Variants in PRKCE observed in about 807,000 individuals in gnomAD.
PRKCE encodes the protein protein kinase C epsilon type.
In PRKCE, 16 loss-of-function variants were observed where a neutral mutation model predicts 85.4. The ratio of observed to expected loss-of-function variants is 0.19; its 90% confidence interval spans 0.13 to 0.28. The LOEUF (loss-of-function observed/expected upper bound fraction) is 0.28, where lower values mean the gene tolerates loss of function less well. Ranked by LOEUF, PRKCE falls within the 10% of genes least tolerant of loss-of-function variation. PRKCE has a pLI of 1.00. For missense variants in PRKCE, 573 were observed against 975.2 expected (o/e 0.59, Z 5.49); for synonymous variants, 388 against 371.5 (o/e 1.04, Z -0.51).
chr2:46,026,346 G>A (rs991405641), intron 10 of PRKCE, among the ~76,000 whole-genome samples: 1 of 152,190 alleles, frequency 6.6e-6, no homozygotes, highest in African/African-American at 2.4e-5. Flanking sequence ...GACTTCATGG[G>A]TAGAGGAGGA....
chr2:45,960,840 C>T (rs1450484187), intron 2 of PRKCE, among the ~76,000 whole-genome samples: 1 of 152,206 alleles, frequency 6.6e-6, no homozygotes, highest in Non-Finnish European at 1.5e-5. Flanking sequence ...CCTTGCAGTT[C>T]CTACAATCCT....
chr2:45,803,368 G>A (rs1255670978), intron 1 of PRKCE, among the ~76,000 whole-genome samples: 1 of 152,208 alleles, frequency 6.6e-6, no homozygotes, highest in African/African-American at 2.4e-5. Flanking sequence ...CATCATAGGC[G>A]CTGGTGCTAC....
intron 2 of PRKCE, among the ~76,000 whole-genome samples, chr2:45,919,557 G>A (rs371135748): frequency 2.6e-4 from 40 of 152,306 alleles, no homozygotes; most frequent in African/African-American, 7.5e-4. Context: ...GGAGGGCCAC[G>A]GCACATTCTG....
intron 1 of PRKCE, among the ~76,000 whole-genome samples, chr2:45,839,786 C>G (rs1691197645): frequency 6.6e-6 from 1 of 152,254 alleles, no homozygotes; most frequent in African/African-American, 2.4e-5. Flanking sequence ...TGGATGGATT[C>G]TCAGAGCTTC....
intron 7 of PRKCE, among the ~76,000 whole-genome samples, chr2:46,003,293 C>T (rs759624152): frequency 2.6e-5 from 4 of 152,176 alleles, no homozygotes; most frequent in Non-Finnish European, 4.4e-5. Flanking sequence ...TGTGTGTGCA[C>T]AGCAGGTAGA....
At chr2:45,911,574 G>A (rs1029592463) in intron 2 of PRKCE, among the ~76,000 whole-genome samples, 11 of 152,186 alleles carry the variant, frequency 7.2e-5, no homozygotes, top group African/African-American at 2.7e-4. Flanking sequence ...AGTCCTGGAT[G>A]TAGGCAGAGG....
Position 45,697,252 on chromosome 2 carries a change from AC to A in PRKCE, c.348+44805del, listed in dbSNP as rs1678230213. On this transcript the variant is annotated intron_variant, in intron 1 of 14. Transcript: ENST00000306156. This position sits in a 1 kb window ranked among gnomAD's most constrained non-coding sequence, Gnocchi z 4.2. ...TGTAGGTGAAGAGGGGGCGCACCCC[AC>A]TGGCTGGCCTGGCCCTCCTGGCTGC... Among the ~76,000 whole-genome samples, 1 of 151,978 alleles carries A rather than the reference AC, an allele frequency of 6.6e-6. No homozygotes were observed. Among genetic ancestry groups the A allele is most frequent in the Non-Finnish European group, 1.5e-5 (1 of 67,994 alleles).
chr2:45,816,268 C>G (rs1421763304), intron 1 of PRKCE, among the ~76,000 whole-genome samples: 1 of 152,116 alleles, frequency 6.6e-6, no homozygotes, highest in African/African-American at 2.4e-5. Context: ...CTCAGCCCTG[C>G]TATGAATATA....
intron 2 of PRKCE, among the ~76,000 whole-genome samples, chr2:45,932,552 C>G (rs1445634375): frequency 2.0e-5 from 3 of 152,138 alleles, no homozygotes; most frequent in Non-Finnish European, 4.4e-5. Context: ...GCTTCACAAC[C>G]CTGCCAAAAC....
intron 2 of PRKCE, chr2:45,845,500 C>T (rs1691711927): frequency 6.6e-6 from 1 of 151,984 alleles, no homozygotes; most frequent in Non-Finnish European, 1.5e-5. Context: ...CTTCAGCTCC[C>T]ATCTCTCAAA....
intron 2 of PRKCE, among the ~76,000 whole-genome samples, chr2:45,968,125 G>T (rs531241929): frequency 3.3e-5 from 5 of 152,280 alleles, no homozygotes; most frequent in Admixed American, 3.3e-4. Flanking sequence ...TACTCTGGAA[G>T]GCATTGCTGG....
intron 2 of PRKCE, among the ~76,000 whole-genome samples, chr2:45,934,889 CAAA>C (rs35925836): frequency 9.2e-6 from 1 of 108,860 alleles, no homozygotes; most frequent in Non-Finnish European, 1.9e-5. Context: ...CATGTCTCTA[CAAA>C]AAAAAAAAAA....
At chr2:46,060,192 C>A in intron 10 of PRKCE, among the ~76,000 whole-genome samples, 1 of 152,146 alleles carries the variant, frequency 6.6e-6, no homozygotes, top group Non-Finnish European at 1.5e-5. Flanking sequence ...TTTGCCATAT[C>A]TTTTCTCTAG....
intron 6 of PRKCE, among the ~76,000 whole-genome samples, chr2:45,999,200 C>T (rs138119270): frequency 6.6e-6 from 1 of 152,134 alleles, no homozygotes; most frequent in East Asian, 1.9e-4. Flanking sequence ...CATGTAGATC[C>T]AAGTTTCTGA....
At chr2:45,988,937 C>G (rs1376578255) in intron 6 of PRKCE, among the ~76,000 whole-genome samples, 1 of 152,160 alleles carries the variant, frequency 6.6e-6, no homozygotes, top group Non-Finnish European at 1.5e-5. Flanking sequence ...AGTCAGTGGC[C>G]CCTGGAGGCA....
intron 1 of PRKCE, among the ~76,000 whole-genome samples, chr2:45,820,704 A>G (rs1241253237): frequency 1.3e-5 from 2 of 152,158 alleles, no homozygotes; most frequent in Non-Finnish European, 2.9e-5. Flanking sequence ...TTTCAAACTG[A>G]AAGCTTCTCT....
chr2:45,961,922 C>T (rs1006344893), intron 2 of PRKCE, among the ~76,000 whole-genome samples: 1 of 152,022 alleles, frequency 6.6e-6, no homozygotes, highest in African/African-American at 2.4e-5. Flanking sequence ...CTCGAAATCC[C>T]GACCTCAGGT....
chr2:45,699,658 C>T (rs1242261841), intron 1 of PRKCE, among the ~76,000 whole-genome samples: 1 of 152,172 alleles, frequency 6.6e-6, no homozygotes, highest in Non-Finnish European at 1.5e-5. Flanking sequence ...AGCTGACTCC[C>T]AAGGAAACCA....
intron 2 of PRKCE, among the ~76,000 whole-genome samples, chr2:45,868,030 T>A (rs1205469099): frequency 6.6e-6 from 1 of 152,130 alleles, no homozygotes; most frequent in African/African-American, 2.4e-5. Context: ...GGTTTTTCTA[T>A]GGCCCCACAT....
Sources: allele counts gnomAD v4.1 joint callset (sites outside exome capture counted in the v4.1 genomes callset), GRCh38; gene constraint gnomAD v4.1.1; non-coding constraint Gnocchi (gnomAD v3.1); transcripts MANE v1.5; gene names NCBI Gene and HGNC (gene_info 2026-07-23, HGNC 2026-07-21).